PHACTR1: variants seen among roughly 807,000 people sequenced by gnomAD.
PHACTR1 encodes the protein RPEL repeat containing 1.
In PHACTR1, 16 loss-of-function variants were observed where a neutral mutation model predicts 69.2. The ratio of observed to expected loss-of-function variants is 0.23; its 90% confidence interval spans 0.16 to 0.35. The LOEUF (loss-of-function observed/expected upper bound fraction) is 0.35. Ranked by LOEUF, PHACTR1 falls within the 10% of genes least tolerant of loss-of-function variation. PHACTR1 has a pLI of 1.00. For synonymous variants in PHACTR1, 312 were observed against 284.5 expected (o/e 1.10, Z -0.97); for missense variants, 510 against 734.7 (o/e 0.69, Z 3.54).
intron 4 of PHACTR1, among the ~76,000 whole-genome samples, chr6:12,950,762 T>A (rs747820124): frequency 3.3e-5 from 5 of 152,270 alleles, no homozygotes; most frequent in Non-Finnish European, 7.4e-5. Flanking sequence ...ACCTTAGAAC[T>A]TCCCCCCAGT....
At chr6:13,271,265 A>C (rs1264896017) in intron 10 of PHACTR1, among the ~76,000 whole-genome samples, 1 of 152,218 alleles carries the variant, frequency 6.6e-6, no homozygotes, top group Non-Finnish European at 1.5e-5. Context: ...GCTAGGACCA[A>C]GCCATGAGGG....
At position 12,830,092 on chromosome 6, in the gene PHACTR1, G is replaced by GGAAAGAAAGAAAGAAA. The variant is rs201322567; in HGVS notation, c.250+80353_250+80368dup. 1.6e-4 allele frequency among the ~76,000 whole-genome samples: 17 copies of GGAAAGAAAGAAAGAAA among 109,148 alleles called. 1 individual carries two copies. Among genetic ancestry groups the GGAAAGAAAGAAAGAAA allele is most frequent in the South Asian group, 5.7e-4 (2 of 3,518 alleles). The allele number at this position is 109,148 out of a possible 152,430, so 71.6% of individuals were successfully genotyped here. On this transcript the variant is annotated intron_variant, in intron 4 of 14. Coordinates refer to ENST00000332995, the MANE Select transcript of PHACTR1 (RefSeq NM_030948.6). ...AAGAAAGAAGGAAGGAAGGAAGGAG[G>GGAAAGAAAGAAAGAAA]GAAAGAAAGAAAGAAAGAAAGAAAG...
intron 4 of PHACTR1, among the ~76,000 whole-genome samples, chr6:13,050,280 C>T (rs1461822878): frequency 2.0e-5 from 3 of 152,286 alleles, no homozygotes; most frequent in African/African-American, 7.2e-5. Context: ...GTTATTGTTA[C>T]CACTCTCTTC....
At chr6:12,988,477 G>A (rs1034107617) in intron 4 of PHACTR1, among the ~76,000 whole-genome samples, 5 of 152,178 alleles carry the variant, frequency 3.3e-5, no homozygotes, top group African/African-American at 1.2e-4. Flanking sequence ...AGTTATCAGC[G>A]ATGCTAATAG....
intron 10 of PHACTR1, among the ~76,000 whole-genome samples, chr6:13,263,332 T>G (rs2127424686): frequency 8.3e-6 from 1 of 120,328 alleles, no homozygotes; most frequent in Admixed American, 9.5e-5. Flanking sequence ...AGAGACAGCA[T>G]TGTTCAGACT....
intron 5 of PHACTR1, among the ~76,000 whole-genome samples, chr6:13,123,483 G>C (rs375265747): frequency 6.6e-6 from 1 of 152,196 alleles, no homozygotes; most frequent in African/African-American, 2.4e-5. Context: ...TAATGGGTGT[G>C]TATATTAAAA....
intron 4 of PHACTR1, among the ~76,000 whole-genome samples, chr6:12,872,406 A>G (rs1782122854): frequency 6.6e-6 from 1 of 152,160 alleles, no homozygotes. Flanking sequence ...AATCTCCATG[A>G]TAAAAAACTT....
chr6:12,883,613 A>ACCTGAGT (rs569569049), intron 4 of PHACTR1, among the ~76,000 whole-genome samples: 23 of 151,694 alleles, frequency 1.5e-4, no homozygotes, highest in South Asian at 2.1e-4. Context: ...GAGACCTGAG[A>ACCTGAGT]CCTGAGTCCT....
intron 4 of PHACTR1, among the ~76,000 whole-genome samples, chr6:12,812,501 C>T (rs1026193757): frequency 6.6e-6 from 1 of 152,178 alleles, no homozygotes; most frequent in East Asian, 1.9e-4. Context: ...AGCGAAGTGT[C>T]TAGCCTAAGT....
chr6:13,137,584 G>A (rs1215130436), intron 5 of PHACTR1, among the ~76,000 whole-genome samples: 3 of 152,186 alleles, frequency 2.0e-5, no homozygotes, highest in Non-Finnish European at 4.4e-5. Context: ...TAACATTCAA[G>A]TTTCTATGTT....
intron 4 of PHACTR1, among the ~76,000 whole-genome samples, chr6:12,959,168 C>T (rs1414439524): frequency 1.2e-5 from 1 of 85,876 alleles, no homozygotes; most frequent in Non-Finnish European, 2.0e-5. Flanking sequence ...TAGAGTGAGA[C>T]TTTATCTCAA....
intron 3 of PHACTR1, among the ~76,000 whole-genome samples, chr6:12,743,800 G>A (rs1765394118): frequency 6.6e-6 from 1 of 152,148 alleles, no homozygotes; most frequent in Admixed American, 6.5e-5. Flanking sequence ...TCTGCACCAA[G>A]TGGACCTAAT....
intron 5 of PHACTR1, among the ~76,000 whole-genome samples, chr6:13,074,278 T>C (rs1020311534): frequency 2.0e-5 from 3 of 152,148 alleles, no homozygotes; most frequent in African/African-American, 7.2e-5. Context: ...CTCACTCATA[T>C]TATAATTAAG....
chr6:12,955,795 T>C (rs1053845352), intron 4 of PHACTR1, among the ~76,000 whole-genome samples: 3 of 152,206 alleles, frequency 2.0e-5, no homozygotes, highest in African/African-American at 7.2e-5. Flanking sequence ...ATTTTTCTCA[T>C]GTCTATCTGG....
At chr6:12,956,478 C>T (rs917558103) in intron 4 of PHACTR1, among the ~76,000 whole-genome samples, 2 of 152,136 alleles carry the variant, frequency 1.3e-5, no homozygotes, top group African/African-American at 4.8e-5. Context: ...ATTACCTTCA[C>T]CTAGGACAGG....
At chr6:12,836,727 A>C (rs922310767) in intron 4 of PHACTR1, among the ~76,000 whole-genome samples, 1 of 152,130 alleles carries the variant, frequency 6.6e-6, no homozygotes, top group African/African-American at 2.4e-5. Flanking sequence ...TCCTAGCATC[A>C]TGTAGACCCA....
intron 4 of PHACTR1, among the ~76,000 whole-genome samples, chr6:12,883,430 G>T (rs774419838): frequency 6.6e-6 from 1 of 151,938 alleles, no homozygotes; most frequent in Non-Finnish European, 1.5e-5. Context: ...TGCCAGGCAG[G>T]TCTCGAACTC....
intron 7 of PHACTR1, chr6:13,184,984 A>G (rs753981997): frequency 7.3e-7 from 1 of 1,366,210 alleles, no homozygotes; most frequent in Non-Finnish European, 9.8e-7. Flanking sequence ...ACCCACTACC[A>G]GGATTGCCAA....
chr6:12,737,014 CAT>C (rs1187765029), intron 3 of PHACTR1, among the ~76,000 whole-genome samples: 1 of 147,628 alleles, frequency 6.8e-6, no homozygotes, highest in Non-Finnish European at 1.5e-5. Flanking sequence ...TATACATATA[CAT>C]ATATATACCT....
Sources: gnomAD v4.1 joint callset for allele counts (sites outside exome capture counted in the v4.1 genomes callset) on GRCh38, gnomAD v4.1.1 for gene constraint, MANE v1.5 for transcripts, NCBI Gene and HGNC (gene_info 2026-07-23, HGNC 2026-07-21) for gene names.